Variants in LMNA observed in about 807,000 individuals in gnomAD.
LMNA encodes the protein lamin A/C.
A neutral mutation model predicts 70.4 loss-of-function variants in LMNA; 20 were observed. That is an observed-to-expected ratio of 0.28 (90% confidence interval 0.20 to 0.41). The LOEUF is 0.41. Ranked by LOEUF, LMNA falls within the 10% of genes least tolerant of loss-of-function variation. The probability of loss-of-function intolerance (pLI) is 1.00; values close to 1 mark genes in which losing one functional copy is unlikely to be tolerated. For synonymous variants in LMNA, 339 were observed against 372.8 expected, an observed-to-expected ratio of 0.91 and a Z score of 1.04; for missense variants, 652 against 917.2, an observed-to-expected ratio of 0.71 and a Z score of 3.73.
chr1:156,139,459 T>A lies in LMNA; in HGVS notation c.*353T>A. ...GGGTGCTTTTATAGAGGCTAGCTTC[T>A]GCTTTTCTGCCCTGGCTGCTGCCCC... On this transcript the variant is annotated 3_prime_UTR_variant, in exon 12 of 12. Coordinates refer to ENST00000368300, the MANE Select transcript of LMNA (RefSeq NM_170707.4). 1 of 1,336,532 alleles carries A rather than the reference T, an allele frequency of 7.5e-7. No individual in the cohort carries two copies. The highest frequency in any genetic ancestry group is 9.6e-7 in the Non-Finnish European group (1 of 1,045,374). 82.8% of individuals were successfully genotyped at this position (1,336,532 alleles called of 1,614,324 possible).
rs1388704891 is a variant in LMNA, at chr1:156,103,512, T to C, written c.-206-11201T>C. Among the ~76,000 whole-genome samples the C allele has an allele frequency of 6.6e-6, 1 of 152,006 alleles. No individual in the cohort carries two copies. Among genetic ancestry groups the C allele is most frequent in the Non-Finnish European group, 1.5e-5 (1 of 68,000 alleles). ...CAGCCAGGAAAATGGGTGGGAACCT[T>C]AAGGATGGTGGGCAGATGGTGGCCC... On this transcript the variant is annotated intron_variant, in intron 3 of 12. Coordinates refer to the LMNA transcript ENST00000368301. This position sits in a 1 kb window ranked among gnomAD's most constrained non-coding sequence, Gnocchi z 4.7.
rs149339264 is a variant in LMNA at position 156,137,190 on chromosome 1, C to T, written c.1566C>T (p.Cys522=). 499 of 1,606,768 alleles carry T rather than the reference C, an allele frequency of 3.1e-4. 1 individual carries two copies. The African/African-American group carries it at 3.7e-3, about 12-fold the overall frequency. The change falls in exon 9 of 12, where the codon TGC becomes TGT. Residue 522 remains cysteine, a synonymous_variant. Coordinates refer to ENST00000368300, the MANE Select transcript of LMNA (RefSeq NM_170707.4). This position sits in a 1 kb window ranked among gnomAD's most constrained non-coding sequence, Gnocchi z 4.6. ...LVWKAQNTWG[C]GNSLRTALIN... ...GGAAGGCACAGAACACCTGGGGCTG[C>T]GGGAACAGCCTGCGTACGGCTCTCA...
intron 2 of LMNA, among the ~76,000 whole-genome samples, chr1:156,132,167 A>G (rs1651129054): frequency 6.6e-6 from 1 of 151,880 alleles, no homozygotes; most frequent in South Asian, 2.1e-4. Context: ...GCAAAACTCT[A>G]TCTCAAAAAA....
At chr1:156,101,085 C>T (rs1423394029) in intron 3 of LMNA, among the ~76,000 whole-genome samples, 1 of 151,952 alleles carries the variant, frequency 6.6e-6, no homozygotes, top group African/African-American at 2.4e-5. Flanking sequence ...GCCTAGGTCT[C>T]GGAGGGCATT....
chr1:156,097,260 G>A (rs1167435709), intron 3 of LMNA, among the ~76,000 whole-genome samples: 1 of 152,202 alleles, frequency 6.6e-6, no homozygotes, highest in Non-Finnish European at 1.5e-5. Context: ...GGGCCCGCAA[G>A]CAGTGATTCA....
intron 1 of LMNA, among the ~76,000 whole-genome samples, chr1:156,118,999 G>A (rs1240507849): frequency 1.3e-5 from 2 of 152,260 alleles, no homozygotes; most frequent in African/African-American, 4.8e-5. Flanking sequence ...AGGCTGGGGT[G>A]CAGTGGCATG....
At chr1:156,133,259 C>T (rs1030100828) in intron 2 of LMNA, among the ~76,000 whole-genome samples, 3 of 152,074 alleles carry the variant, frequency 2.0e-5, no homozygotes, top group African/African-American at 4.8e-5. Flanking sequence ...TTAGCCCAGC[C>T]TGTGCTTTCT....
intron 3 of LMNA, among the ~76,000 whole-genome samples, chr1:156,108,493 G>A (rs1265459609): frequency 6.6e-6 from 1 of 152,132 alleles, no homozygotes; most frequent in Non-Finnish European, 1.5e-5. Context: ...TTCAGTTCTG[G>A]CTGGGCGTGG....
chr1:156,095,172 GTCC>G (rs747472712), intron 3 of LMNA, among the ~76,000 whole-genome samples: 10 of 150,822 alleles, frequency 6.6e-5, no homozygotes, highest in Non-Finnish European at 1.2e-4. Flanking sequence ...CAGGTGATCT[GTCC>G]TCCTCAGCCT....
intron 3 of LMNA, among the ~76,000 whole-genome samples, chr1:156,099,758 C>T (rs1407808936): frequency 2.0e-5 from 3 of 150,878 alleles, no homozygotes; most frequent in African/African-American, 7.3e-5. Context: ...TGCTGGTGTG[C>T]ACCTGTAATC....
At chr1:156,099,536 G>T (rs1488110212) in intron 3 of LMNA, among the ~76,000 whole-genome samples, 4 of 152,098 alleles carry the variant, frequency 2.6e-5, no homozygotes, top group Non-Finnish European at 5.9e-5. Flanking sequence ...GATTGCTTGA[G>T]CCCAGGAGTT....
exon 2 of LMNA, chr1:156,083,036 G>A (rs1002710314): frequency 3.3e-5 from 5 of 152,432 alleles, no homozygotes; most frequent in African/African-American, 1.2e-4. Flanking sequence ...TGGGCTCTGC[G>A]TGTTGTGGGG....
intron 3 of LMNA, among the ~76,000 whole-genome samples, chr1:156,097,531 CAA>C (rs1648983722): frequency 6.6e-6 from 1 of 152,252 alleles, no homozygotes; most frequent in Non-Finnish European, 1.5e-5. Flanking sequence ...CCTGTTTTAT[CAA>C]AGAGGAAACT....
chr1:156,101,632 AAGGAAGGGAGGG>A (rs1558110237), intron 3 of LMNA, among the ~76,000 whole-genome samples: 2 of 81,414 alleles, frequency 2.5e-5, no homozygotes, highest in African/African-American at 4.8e-5. Context: ...GGACGGAAGG[AAGGAAGGGAGGG>A]AGGGAGGGAG....
At position 156,138,088 on chromosome 1, in the gene LMNA, C is replaced by T. The variant is rs1392501828; in HGVS notation, c.1698+345C>T. 3.7e-6 allele frequency: 2 copies of T among 533,920 alleles called. No homozygotes were observed. Among genetic ancestry groups the T allele is most frequent in the East Asian group, 3.3e-5 (1 of 30,236 alleles). The allele number at this position is 533,920 out of a possible 1,614,324, so 33.1% of individuals were successfully genotyped here. On this transcript the variant is annotated intron_variant, in intron 10 of 11. Coordinates refer to ENST00000368300, the MANE Select transcript of LMNA (RefSeq NM_170707.4). The surrounding 1 kb of genome is among the most constrained non-coding windows in gnomAD (Gnocchi z 5.5). ...CTGCCTCTCTCCCCCATTCTTGTTG[C>T]ATGCATATCCTCTCATTTCCCTCAT...
intron 2 of LMNA, among the ~76,000 whole-genome samples, chr1:156,088,816 C>G (rs1648582246): frequency 6.6e-6 from 1 of 151,940 alleles, no homozygotes; most frequent in Non-Finnish European, 1.5e-5. Context: ...CAACTGGCTA[C>G]TTGTTTTTGT....
chr1:156,105,876 T>C (rs1194227085), intron 3 of LMNA, among the ~76,000 whole-genome samples: 4 of 151,972 alleles, frequency 2.6e-5, no homozygotes, highest in Non-Finnish European at 5.9e-5. Context: ...CCCAGCACTT[T>C]GGGAGGCCGA....
chr1:156,120,506 A>C (rs1006818011), intron 1 of LMNA, among the ~76,000 whole-genome samples: 3 of 152,166 alleles, frequency 2.0e-5, no homozygotes, highest in Non-Finnish European at 2.9e-5. Flanking sequence ...AGGCAGGAGG[A>C]TCACTTGAGG....
chr1:156,133,581 T>A (rs919003002), intron 2 of LMNA, among the ~76,000 whole-genome samples: 5 of 150,934 alleles, frequency 3.3e-5, no homozygotes, highest in South Asian at 2.1e-4. Context: ...AAAAAAAAAA[T>A]AAAAATAAAA....
Sources: gnomAD v4.1 joint callset for allele counts (sites outside exome capture counted in the v4.1 genomes callset) on GRCh38, gnomAD v4.1.1 for gene constraint, Gnocchi (gnomAD v3.1) non-coding constraint, MANE v1.5 for transcripts, NCBI Gene and HGNC (gene_info 2026-07-23, HGNC 2026-07-21) for gene names.